HOXA3: variants seen among roughly 807,000 people sequenced by gnomAD.
HOXA3 encodes homeobox A3, also known as homeobox protein Hox-A3.
In HOXA3, 8 loss-of-function variants were observed where a neutral mutation model predicts 30.3. That is an observed-to-expected ratio of 0.26 (90% CI 0.15 to 0.48). HOXA3 has a LOEUF of 0.48. Ranked by LOEUF, HOXA3 falls within the 20% of genes least tolerant of loss-of-function variation. The pLI is 0.99. For missense variants in HOXA3, 653 were observed against 614.4 expected (o/e 1.06, Z -0.66); for synonymous variants, 323 against 273.1 (o/e 1.18, Z -1.80).
At position 27,113,458 on chromosome 7, in the gene HOXA3, T is replaced by C. The variant is rs1338500972; in HGVS notation, c.-120-2698A>G. ...GAGAGGCAAGAGGTGGGGGCGGGGA[T>C]GGGAAAGCGGCCTGAACTCGAAGTG... On this transcript the variant is annotated intron_variant, in intron 4 of 5. Transcript: ENST00000612286. The surrounding 1 kb of genome is among the most constrained non-coding windows in gnomAD (Gnocchi z 4.8). Among the ~76,000 whole-genome samples the C allele has an allele frequency of 6.6e-6, 1 of 151,886 alleles. No homozygotes were observed. Among genetic ancestry groups the C allele is most frequent in the African/African-American group, 2.4e-5 (1 of 41,358 alleles).
chr7:27,139,685 G>A (rs913558961), intron 2 of HOXA3, among the ~76,000 whole-genome samples: 2 of 152,056 alleles, frequency 1.3e-5, no homozygotes, highest in Non-Finnish European at 2.9e-5. Context: ...CCCGACCCCA[G>A]GGCTCCGCGA....
intron 3 of HOXA3, among the ~76,000 whole-genome samples, chr7:27,125,410 C>T (rs1785239654): frequency 6.6e-6 from 1 of 152,196 alleles, no homozygotes; most frequent in Non-Finnish European, 1.5e-5. Flanking sequence ...AAGGGGTTGC[C>T]CCGTGATTTT....
chr7:27,108,566 C>G lies in HOXA3; in HGVS notation c.681G>C (p.Leu227=). 6.2e-7 allele frequency: 1 copy of G among 1,614,156 alleles called. No homozygotes were observed. The highest frequency in any genetic ancestry group is 1.1e-5 in the South Asian group (1 of 91,086). The change falls in exon 6 of 6, where the codon CTG becomes CTC. Residue 227 remains leucine (L), a synonymous_variant. Coordinates refer to ENST00000612286, the MANE Select transcript of HOXA3 (RefSeq NM_153631.3). The surrounding 1 kb of genome is among the most constrained non-coding windows in gnomAD (Gnocchi z 5.0). ...TGATCTGGCGCTCAGTGAGGTTCAG[C>G]AGATTGGCCATCTCCACCCGGCGCG... ...CRPRRVEMAN[L]LNLTERQIKI... is the part of the protein sequence containing the mutation.
intron 2 of HOXA3, among the ~76,000 whole-genome samples, chr7:27,130,988 C>A (rs1785537545): frequency 6.6e-6 from 1 of 152,096 alleles, no homozygotes; most frequent in Non-Finnish European, 1.5e-5. Flanking sequence ...GCACCGCGCG[C>A]GCGGACCCGG....
At chr7:27,136,962 C>A (rs1785734400) in intron 2 of HOXA3, among the ~76,000 whole-genome samples, 1 of 152,256 alleles carries the variant, frequency 6.6e-6, no homozygotes, top group Non-Finnish European at 1.5e-5. Context: ...TAGAAGGAAA[C>A]TCCTCCTCAG....
chr7:27,143,010 C>T, intron 1 of HOXA3: 2 of 1,489,320 alleles, frequency 1.3e-6, no homozygotes, highest in Non-Finnish European at 1.8e-6. Context: ...GCCGCGTCCC[C>T]GCGGTCGCGT....
chr7:27,136,647 G>A (rs555750314), intron 2 of HOXA3, among the ~76,000 whole-genome samples: 6 of 152,248 alleles, frequency 3.9e-5, no homozygotes, highest in Admixed American at 2.6e-4. Context: ...TGAACTGCGC[G>A]GGCGTCATTT....
In HOXA3 at chr7:27,110,280, G is replaced by A. The variant is rs780382886; in HGVS notation, c.361C>T (p.Pro121Ser). Residue 121 changes from proline (P) to serine (S), a missense_variant, in exon 5 of 6, where the codon CCT (proline) becomes TCT (serine). This residue lies in a region of HOXA3 where 320 missense variants were observed against 321.9 expected (regional missense o/e 0.99). Transcript: ENST00000612286. ...PPAPTPAAPP[P>S]PSSASPPQNA... ...TGAGGAGGGGAGGCAGAAGAGGGAG[G>A]CGGGGGCGCGGCAGGGGTAGGTGCA... 1 of 1,606,274 alleles carries A rather than the reference G, an allele frequency of 6.2e-7. No individual in the cohort carries two copies. Among genetic ancestry groups the A allele is most frequent in the Non-Finnish European group, 8.5e-7 (1 of 1,176,504 alleles).
At chr7:27,122,808 A>C (rs1785085233) in intron 3 of HOXA3, 166 bp from the exon 4 acceptor site, 1 of 152,224 alleles carries the variant, frequency 6.6e-6, no homozygotes. Flanking sequence ...TCATTGCTCG[A>C]AATGTTCCAG....
intron 4 of HOXA3, among the ~76,000 whole-genome samples, chr7:27,111,489 T>A: frequency 1.1e-5 from 1 of 93,652 alleles, no homozygotes; most frequent in Admixed American, 1.2e-4. Context: ...ACATTGCGTG[T>A]GTGTGTGTGT....
Position 27,110,599 on chromosome 7 carries a change from A to G in HOXA3, c.42T>C (p.Gly14=). The G allele has an allele frequency of 1.2e-6, 2 of 1,607,338 alleles. No individual in the cohort carries two copies. Among genetic ancestry groups the G allele is most frequent in the South Asian group, 2.2e-5 (2 of 90,998 alleles). Residue 14 remains glycine (G), a synonymous_variant, in exon 5 of 6, where the codon GGT becomes GGC. Coordinates refer to ENST00000612286, the MANE Select transcript of HOXA3 (RefSeq NM_153631.3). ...CGTTGGCTGCCTGGTAGGGGTAGCC[A>G]CCGTAGATCGCCGAGCTGTCGTAGT... ...ATYYDSSAIY[G]GYPYQAANGF...
At chr7:27,140,652 C>G (rs1782531755) in intron 1 of HOXA3, 1 of 152,220 alleles carries the variant, frequency 6.6e-6, no homozygotes. Context: ...GGTTTGGGGT[C>G]CACAGACAGA....
chr7:27,141,448 C>T (rs1426774646), intron 1 of HOXA3: 2 of 177,580 alleles, frequency 1.1e-5, no homozygotes, highest in East Asian at 1.6e-4. Context: ...AACACTTCCA[C>T]GCACATGCAC....
intron 2 of HOXA3, among the ~76,000 whole-genome samples, 153 bp downstream of exon 2, chr7:27,139,930 C>T (rs1311288978): frequency 6.6e-6 from 1 of 151,702 alleles, no homozygotes; most frequent in Non-Finnish European, 1.5e-5. Flanking sequence ...TGGCTCCTGG[C>T]GCTGCTCTTT....
chr7:27,141,614 T>G (rs879077665), intron 1 of HOXA3: 1 of 447,864 alleles, frequency 2.2e-6, no homozygotes. Flanking sequence ...CTATTTTTTT[T>G]CAAGACAAAG....
chr7:27,124,792 C>T (rs1375537485), intron 3 of HOXA3, among the ~76,000 whole-genome samples: 1 of 152,124 alleles, frequency 6.6e-6, no homozygotes. Context: ...CTTTTTTTGG[C>T]TCTGCCGGCC....
At chr7:27,140,998 A>G (rs1425839211) in intron 1 of HOXA3, 1 of 152,062 alleles carries the variant, frequency 6.6e-6, no homozygotes, top group Non-Finnish European at 1.5e-5. Context: ...GACTGCACAG[A>G]CAGACAGAAA....
chr7:27,130,802 T>G, intron 2 of HOXA3: 1 of 1,430,066 alleles, frequency 7.0e-7, no homozygotes. Flanking sequence ...CCGAGGCCCC[T>G]CCCCCTCCTG....
intron 4 of HOXA3, chr7:27,121,768 C>T (rs1388749504): frequency 6.6e-6 from 1 of 152,496 alleles, no homozygotes; most frequent in Non-Finnish European, 1.5e-5. Context: ...AAAGCTATTC[C>T]AGCAGCCCCT....
Sources: gnomAD v4.1 joint callset for allele counts (sites outside exome capture counted in the v4.1 genomes callset) on GRCh38, gnomAD v4.1.1 for gene constraint, gnomAD v4.1.1 regional missense constraint, Gnocchi (gnomAD v3.1) non-coding constraint, MANE v1.5 for transcripts, NCBI Gene and HGNC (gene_info 2026-07-23, HGNC 2026-07-21) for gene names.